Variants in SETBP1 observed in about 807,000 individuals in gnomAD.
SETBP1 encodes the protein SET-binding protein.
In SETBP1, 9 loss-of-function variants were observed where a neutral mutation model predicts 101.0. The ratio of observed to expected loss-of-function variants is 0.09; its 90% CI spans 0.05 to 0.16. The LOEUF (loss-of-function observed/expected upper bound fraction) is 0.16. Among genes scored for constraint, SETBP1 ranks in the 10% least tolerant of loss-of-function variants. The pLI is 1.00. For synonymous variants in SETBP1, 818 were observed against 788.5 expected (o/e 1.04, Z -0.63); for missense variants, 1,858 against 2,033.8 (o/e 0.91, Z 1.66).
At chr18:45,031,270 T>G (rs1162134321) in intron 4 of SETBP1, among the ~76,000 whole-genome samples, 2 of 152,212 alleles carry the variant, frequency 1.3e-5, no homozygotes, top group African/African-American at 4.8e-5. Flanking sequence ...TAAGGTCAGC[T>G]GATTAGCAGC....
chr18:44,831,922 C>T (rs1057243605), intron 2 of SETBP1, among the ~76,000 whole-genome samples: 5 of 152,122 alleles, frequency 3.3e-5, no homozygotes, highest in South Asian at 2.1e-4. Flanking sequence ...TTGTGTTTAT[C>T]CTGCTGTGTT....
intron 5 of SETBP1, among the ~76,000 whole-genome samples, chr18:45,059,436 T>C (rs910237081): frequency 1.3e-5 from 2 of 152,248 alleles, no homozygotes; most frequent in Non-Finnish European, 1.5e-5. Flanking sequence ...TTTGTTCCAA[T>C]TGTCATCCAA....
chr18:45,001,182 C>A (rs2072611287), intron 4 of SETBP1, among the ~76,000 whole-genome samples: 1 of 152,124 alleles, frequency 6.6e-6, no homozygotes, highest in Non-Finnish European at 1.5e-5. Flanking sequence ...CTGACAGTGA[C>A]TTGGGTTCAA....
At chr18:44,914,823 A>G (rs1036114170) in intron 3 of SETBP1, among the ~76,000 whole-genome samples, 2 of 152,144 alleles carry the variant, frequency 1.3e-5, no homozygotes, top group African/African-American at 4.8e-5. Context: ...TGCTTTTGGC[A>G]GCAAGCTTTC....
intron 2 of SETBP1, among the ~76,000 whole-genome samples, chr18:44,713,780 TC>T (rs2069397875): frequency 6.6e-6 from 1 of 152,204 alleles, no homozygotes; most frequent in African/African-American, 2.4e-5. Flanking sequence ...CGATAGTCAG[TC>T]GATTCTCTAG....
At chr18:45,004,165 T>C (rs952989918) in intron 4 of SETBP1, among the ~76,000 whole-genome samples, 1 of 152,214 alleles carries the variant, frequency 6.6e-6, no homozygotes, top group Admixed American at 6.5e-5. Flanking sequence ...CAAGGTAGCA[T>C]ATGGCATAGG....
intron 2 of SETBP1, among the ~76,000 whole-genome samples, chr18:44,784,151 T>C (rs2071191290): frequency 6.6e-6 from 1 of 152,254 alleles, no homozygotes; most frequent in Non-Finnish European, 1.5e-5. Flanking sequence ...GATATTCTAA[T>C]TGTGGACTTT....
At chr18:44,872,799 A>G (rs1369712549) in intron 3 of SETBP1, among the ~76,000 whole-genome samples, 2 of 152,248 alleles carry the variant, frequency 1.3e-5, no homozygotes, top group African/African-American at 4.8e-5. Flanking sequence ...TAGCATGGGC[A>G]CCATATTCAG....
intron 2 of SETBP1, among the ~76,000 whole-genome samples, chr18:44,760,741 G>T (rs2070619606): frequency 6.6e-6 from 1 of 152,154 alleles, no homozygotes; most frequent in Admixed American, 6.5e-5. Flanking sequence ...TATAAGATGG[G>T]TATGGAAATA....
At chr18:44,845,733 C>T (rs763379075) in intron 2 of SETBP1, among the ~76,000 whole-genome samples, 4 of 152,224 alleles carry the variant, frequency 2.6e-5, no homozygotes, top group South Asian at 2.1e-4. Flanking sequence ...GGGCCCCTAA[C>T]TGCTACTTTC....
intron 2 of SETBP1, among the ~76,000 whole-genome samples, chr18:44,847,335 G>C (rs908673105): frequency 1.3e-5 from 2 of 152,204 alleles, no homozygotes; most frequent in Non-Finnish European, 2.9e-5. Flanking sequence ...CTGCCACGGT[G>C]CCTGGATGGT....
chr18:44,736,813 G>A (rs749551186), intron 2 of SETBP1, among the ~76,000 whole-genome samples: 27 of 152,278 alleles, frequency 1.8e-4, no homozygotes, highest in Middle Eastern at 3.4e-3. Flanking sequence ...TGACTTTGCA[G>A]TTCTTTGGAA....
chr18:44,891,251 C>A (rs372136469), intron 3 of SETBP1, among the ~76,000 whole-genome samples: 2 of 152,098 alleles, frequency 1.3e-5, no homozygotes, highest in Non-Finnish European at 2.9e-5. Flanking sequence ...TCCCACAACA[C>A]GTGAGAATTC....
chr18:44,750,384 CT>C (rs2070355321), intron 2 of SETBP1, among the ~76,000 whole-genome samples: 1 of 152,132 alleles, frequency 6.6e-6, no homozygotes, highest in Non-Finnish European at 1.5e-5. Context: ...AACACTAACT[CT>C]ATTATGAGGG....
At chr18:44,998,545 G>A (rs762403443) in intron 4 of SETBP1, among the ~76,000 whole-genome samples, 25 of 152,222 alleles carry the variant, frequency 1.6e-4, no homozygotes, top group Non-Finnish European at 2.6e-4. Flanking sequence ...AGCTTCCAGC[G>A]CTGATCTCAA....
At chr18:44,682,821 A>T (rs977678783) in intron 1 of SETBP1, among the ~76,000 whole-genome samples, 6 of 152,070 alleles carry the variant, frequency 3.9e-5, no homozygotes, top group Non-Finnish European at 8.8e-5. Context: ...ACCAAAACAA[A>T]CTATTGGTCT....
At position 44,720,913 on chromosome 18, in the gene SETBP1, C is replaced by CA. The variant is rs1555672425; in HGVS notation, c.486+19082dup. Among the ~76,000 whole-genome samples, 20 of 141,814 alleles carry CA rather than the reference C, an allele frequency of 1.4e-4. 1 individual carries two copies. The highest frequency in any genetic ancestry group is 6.8e-4 in the East Asian group (3 of 4,424). 93.0% of individuals were successfully genotyped at this position (141,814 alleles called of 152,430 possible). ...ATGGAGCCCTCCAACCCCCACCCCC[C>CA]ACCCCAACCCCTTGGGGAGAAGAGA... On this transcript the variant is annotated intron_variant, in intron 2 of 5. Transcript: ENST00000649279.
At chr18:44,762,903 CAG>C (rs2070688456) in intron 2 of SETBP1, among the ~76,000 whole-genome samples, 1 of 152,162 alleles carries the variant, frequency 6.6e-6, no homozygotes, top group Non-Finnish European at 1.5e-5. Context: ...TAAATAGTAA[CAG>C]AGTATTTATT....
intron 2 of SETBP1, among the ~76,000 whole-genome samples, chr18:44,860,789 T>C (rs563066537): frequency 6.6e-6 from 1 of 152,152 alleles, no homozygotes; most frequent in African/African-American, 2.4e-5. Context: ...GAAGGCATTT[T>C]CCCCATGAGT....
Sources: gnomAD v4.1 joint callset for allele counts (sites outside exome capture counted in the v4.1 genomes callset) on GRCh38, gnomAD v4.1.1 for gene constraint, MANE v1.5 for transcripts, NCBI Gene and HGNC (gene_info 2026-07-23, HGNC 2026-07-21) for gene names.